VIPR2: variants seen among roughly 807,000 people sequenced by gnomAD.
VIPR2 encodes the protein vasoactive intestinal peptide receptor 2, also known as vasoactive intestinal polypeptide receptor 2.
Under a neutral mutation model 58.0 loss-of-function variants are expected in VIPR2, and 48 were observed. The observed-to-expected ratio is 0.83, with a 90% CI of 0.66 to 1.05. VIPR2 has a LOEUF of 1.05. VIPR2 is among the 50% of genes least tolerant of loss of function. VIPR2 has a pLI of 0.00. For synonymous variants in VIPR2, 243 were observed against 235.2 expected (o/e 1.03, Z -0.30); for missense variants, 534 against 558.0 (o/e 0.96, Z 0.43).
At chr7:159,126,145 A>G (rs1313321556) in intron 2 of VIPR2, among the ~76,000 whole-genome samples, 4 of 152,200 alleles carry the variant, frequency 2.6e-5, no homozygotes, top group African/African-American at 4.8e-5. Context: ...GGTGGCCCAC[A>G]CTGCCAGACT....
At chr7:159,110,954 CAATACTTGAAT>C (rs1181163035) in intron 2 of VIPR2, among the ~76,000 whole-genome samples, 1 of 152,008 alleles carries the variant, frequency 6.6e-6, no homozygotes, top group Non-Finnish European at 1.5e-5. Flanking sequence ...AATTACATAC[CAATACTTGAAT>C]AAGTACATAA....
Position 159,045,536 on chromosome 7 carries a change from TACAGCTGG to T in VIPR2, c.456-2368_456-2361del, listed in dbSNP as rs540057594. 3.6e-4 allele frequency among the ~76,000 whole-genome samples: 55 copies of T among 152,292 alleles called. 2 individuals are homozygous for T. The highest frequency in any genetic ancestry group is 3.4e-3 in the Admixed American group (52 of 15,304). On this transcript the variant is annotated intron_variant, in intron 5 of 12. Coordinates refer to ENST00000262178, the MANE Select transcript of VIPR2 (RefSeq NM_003382.5). The stretch of plus-strand genomic sequence containing the variant: ...AACTAGATGTCCATATGTAAAATAA[TACAGCTGG>T]ACCCCTACCTCACAGCATATTAAAA...
At chr7:159,102,566 C>T (rs990241566) in intron 4 of VIPR2, among the ~76,000 whole-genome samples, 9 of 152,090 alleles carry the variant, frequency 5.9e-5, no homozygotes, top group East Asian at 1.9e-4. Flanking sequence ...AATAATTTGG[C>T]GGAGAAAGAA....
intron 2 of VIPR2, among the ~76,000 whole-genome samples, chr7:159,139,046 T>C (rs1055675547): frequency 6.6e-5 from 10 of 152,272 alleles, no homozygotes; most frequent in African/African-American, 2.2e-4. Context: ...AGTCACAGGA[T>C]GCTGTGGGAC....
In VIPR2 at chr7:159,028,205, A is replaced by G. The variant is rs945585906; in HGVS notation, c.*2411T>C. On this transcript the variant is annotated 3_prime_UTR_variant, in exon 13 of 13. Coordinates refer to ENST00000262178, the MANE Select transcript of VIPR2 (RefSeq NM_003382.5). Reference sequence around the variant, plus strand: ...ATGTGAAGTCAGGCTTTATTGAAGTATTTACACAGCTCATTCCCGCCACGT... The same window carrying G: ...ATGTGAAGTCAGGCTTTATTGAAGTGTTTACACAGCTCATTCCCGCCACGT... The G allele has an allele frequency of 1.3e-5, 2 of 152,758 alleles. No homozygotes were observed. The highest frequency in any genetic ancestry group is 2.1e-4 in the South Asian group (1 of 4,840). The allele number at this position is 152,758 out of a possible 1,614,324, so 9.5% of individuals were successfully genotyped here.
intron 4 of VIPR2, among the ~76,000 whole-genome samples, chr7:159,085,958 C>T (rs1004315414): frequency 2.0e-5 from 3 of 152,162 alleles, no homozygotes; most frequent in Non-Finnish European, 4.4e-5. Flanking sequence ...TCCAAACCCA[C>T]AGAATGCAAA....
At chr7:159,139,079 C>T (rs1183341222) in intron 2 of VIPR2, among the ~76,000 whole-genome samples, 2 of 152,198 alleles carry the variant, frequency 1.3e-5, no homozygotes, top group Non-Finnish European at 2.9e-5. Flanking sequence ...ACATTTCCAT[C>T]CTACTCAGCA....
chr7:159,118,131 C>T (rs976775601), intron 2 of VIPR2, among the ~76,000 whole-genome samples: 1 of 152,148 alleles, frequency 6.6e-6, no homozygotes, highest in African/African-American at 2.4e-5. Flanking sequence ...GAAGGATGAG[C>T]CACTCTCTTC....
intron 1 of VIPR2, chr7:159,144,427 T>A: frequency 6.5e-7 from 1 of 1,547,300 alleles, no homozygotes; most frequent in Non-Finnish European, 8.7e-7. Flanking sequence ...AGCTCATCGT[T>A]GACGCGTCCA....
At position 159,034,607 on chromosome 7, in the gene VIPR2, G is replaced by A. The variant is rs767254624; in HGVS notation, c.853C>T (p.Arg285Ter). 6 of 1,613,812 alleles carry A rather than the reference G, an allele frequency of 3.7e-6. No homozygotes were observed. Among genetic ancestry groups the A allele is most frequent in the African/African-American group, 2.7e-5 (2 of 74,904 alleles). ...ATGATGGAAATTAAAATCGGTATTC[G>A]TATGACCCACCAGGGCACACTGTGG... The part of the protein sequence containing the change: ...NDHSVPWWVI[R>*]IPILISIIVN... The change falls in exon 9 of 13, where the codon CGA (arginine) becomes TGA (stop). Residue 285 changes from arginine (R) to a stop codon, truncating the protein, a stop_gained. Coordinates refer to ENST00000262178, the MANE Select transcript of VIPR2 (RefSeq NM_003382.5). LOFTEE classifies it high-confidence loss of function.
intron 4 of VIPR2, among the ~76,000 whole-genome samples, chr7:159,088,116 G>T (rs1207347715): frequency 6.6e-6 from 1 of 152,202 alleles, no homozygotes; most frequent in African/African-American, 2.4e-5. Context: ...GAGCCTTAGG[G>T]TCTTCTGACA....
rs72505595 is a variant in VIPR2, at chr7:159,063,916, G to C, written c.358-5338C>G. On this transcript the variant is annotated intron_variant, in intron 4 of 12. Transcript: ENST00000262178. ...TGGGGGGATCTGGGGTTCCTGGAGG[G>C]ATGTGGGGTCCTGGTTGGATCTGGG... Among the ~76,000 whole-genome samples the C allele has an allele frequency of 6.5e-3, 866 of 133,728 alleles. 11 individuals carry two copies. Among genetic ancestry groups the C allele is most frequent in the Admixed American group, 0.014 (191 of 13,424 alleles). The allele number at this position is 133,728 out of a possible 152,430, so 87.7% of individuals were successfully genotyped here.
At chr7:159,120,660 C>G (rs1207480035) in intron 2 of VIPR2, among the ~76,000 whole-genome samples, 1 of 152,162 alleles carries the variant, frequency 6.6e-6, no homozygotes, top group African/African-American at 2.4e-5. Context: ...GAAGGCCTCA[C>G]GTTGGCACCA....
chr7:159,133,891 C>T (rs1797091634), intron 2 of VIPR2, among the ~76,000 whole-genome samples: 1 of 152,152 alleles, frequency 6.6e-6, no homozygotes, highest in Non-Finnish European at 1.5e-5. Flanking sequence ...TAGAAATGGA[C>T]ATTCTACCTA....
intron 4 of VIPR2, among the ~76,000 whole-genome samples, chr7:159,088,446 C>T (rs539838808): frequency 8.5e-5 from 13 of 152,220 alleles, no homozygotes; most frequent in South Asian, 4.2e-4. Flanking sequence ...TGTACACCTG[C>T]GGCAGTACAC....
intron 4 of VIPR2, among the ~76,000 whole-genome samples, chr7:159,090,502 C>T (rs1459588808): frequency 5.6e-5 from 3 of 53,346 alleles, no homozygotes; most frequent in African/African-American, 2.5e-4. Context: ...GGGCCACCTC[C>T]TGCGACCATT....
chr7:159,075,423 C>G (rs1057190377), intron 4 of VIPR2, among the ~76,000 whole-genome samples: 6 of 152,208 alleles, frequency 3.9e-5, no homozygotes, highest in Non-Finnish European at 8.8e-5. Flanking sequence ...AGCTTCTTAC[C>G]AGTTTTGGCT....
intron 4 of VIPR2, among the ~76,000 whole-genome samples, chr7:159,103,540 C>T (rs1483861951): frequency 6.6e-6 from 1 of 152,204 alleles, no homozygotes; most frequent in Non-Finnish European, 1.5e-5. Flanking sequence ...ACCGGCCTTT[C>T]CCTGCCTGCA....
At chr7:159,092,024 G>A (rs1038925045) in intron 4 of VIPR2, among the ~76,000 whole-genome samples, 5 of 152,184 alleles carry the variant, frequency 3.3e-5, no homozygotes, top group African/African-American at 7.2e-5. Context: ...CCTGGGAGGC[G>A]GAGGTTGCAG....
Sources: allele counts gnomAD v4.1 joint callset (sites outside exome capture counted in the v4.1 genomes callset), GRCh38; gene constraint gnomAD v4.1.1; transcripts MANE v1.5; gene names NCBI Gene and HGNC (gene_info 2026-07-23, HGNC 2026-07-21).